Variants in DOK7 observed in about 807,000 individuals in gnomAD.
DOK7 encodes the protein docking protein 7.
In DOK7, 32 loss-of-function variants were observed where a neutral mutation model predicts 30.7. The ratio of observed to expected loss-of-function variants is 1.04; its 90% CI spans 0.79 to 1.40. The LOEUF is 1.40. Ranked by LOEUF, DOK7 falls within the 40% of genes most tolerant of loss-of-function variation. DOK7 has a pLI of 0.00. For synonymous variants in DOK7, 447 were observed against 324.1 expected, an observed-to-expected ratio of 1.38 and a Z score of -4.07; for missense variants, 1,007 against 699.2, an observed-to-expected ratio of 1.44 and a Z score of -4.97.
intron 5 of DOK7, among the ~76,000 whole-genome samples, chr4:3,487,514 C>G (rs115623682): frequency 6.6e-6 from 1 of 152,196 alleles, no homozygotes; most frequent in East Asian, 1.9e-4. Context: ...ATGTGGACAC[C>G]GAGTCCCAGA....
chr4:3,475,206 G>A (rs1035448626), intron 3 of DOK7, among the ~76,000 whole-genome samples: 3 of 152,228 alleles, frequency 2.0e-5, no homozygotes, highest in East Asian at 1.9e-4. Flanking sequence ...AAGTTCTCCC[G>A]TTGGGGGTTC....
chr4:3,468,182 G>A (rs76221206), intron 2 of DOK7, among the ~76,000 whole-genome samples: 14,975 of 144,216 alleles, frequency 0.1, 943 homozygotes, highest in East Asian at 0.22. Flanking sequence ...ATACCTGTGT[G>A]TGGGGGTGTG....
At chr4:3,490,852 C>T (rs1434583584) in intron 6 of DOK7, among the ~76,000 whole-genome samples, 2 of 104,774 alleles carry the variant, frequency 1.9e-5, no homozygotes, top group African/African-American at 7.9e-5. Context: ...CTTCCTTCCC[C>T]CCCACTCATT....
chr4:3,491,196 TTCCTTCCCCCCTGC>T (rs1225683466), intron 6 of DOK7, among the ~76,000 whole-genome samples: 41 of 24,380 alleles, frequency 1.7e-3, no homozygotes, highest in African/African-American at 4.0e-3. Context: ...CCCCTGCTCA[TTCCTTCCCCCCTGC>T]TCATTCCTTC....
intron 5 of DOK7, among the ~76,000 whole-genome samples, 177 bp downstream of exon 5, chr4:3,485,835 G>GA (rs1236572793): frequency 6.6e-6 from 1 of 152,262 alleles, no homozygotes; most frequent in Non-Finnish European, 1.5e-5. Flanking sequence ...TGCAAGCCCT[G>GA]CTGAGGGATT....
chr4:3,496,159 G>T (rs533384549), downstream of DOK7, among the ~76,000 whole-genome samples: 10 of 152,358 alleles, frequency 6.6e-5, no homozygotes, highest in East Asian at 1.9e-3. Flanking sequence ...GCCGTGGGCC[G>T]CTGTCCCTCC....
chr4:3,488,271 C>T (rs1727945763), intron 5 of DOK7, among the ~76,000 whole-genome samples: 1 of 152,238 alleles, frequency 6.6e-6, no homozygotes, highest in South Asian at 2.1e-4. Context: ...TCTTGTGTTC[C>T]TGGGCCCGGT....
At chr4:3,490,405 TCACCCC>T (rs1280906401) in intron 6 of DOK7, among the ~76,000 whole-genome samples, 1 of 56,866 alleles carries the variant, frequency 1.8e-5, no homozygotes, top group Non-Finnish European at 3.4e-5. Context: ...AGTCCTTCTT[TCACCCC>T]CCCCACCGCC....
chr4:3,476,584 C>T, intron 4 of DOK7, 42 bp downstream of exon 4: 1 of 1,607,716 alleles, frequency 6.2e-7, no homozygotes, highest in Non-Finnish European at 8.5e-7. Flanking sequence ...CAGCAGCACC[C>T]CCCACTTCCC....
Position 3,493,467 on chromosome 4 carries a change from T to C in DOK7, c.1481T>C (p.Val494Ala), listed in dbSNP as rs1259955934. 4 of 1,610,844 alleles carry C rather than the reference T, an allele frequency of 2.5e-6. No homozygotes were observed. The highest frequency in any genetic ancestry group is 1.3e-5 in the African/African-American group (1 of 74,898). The change falls in exon 7 of 7, where the codon GTC (valine) becomes GCC (alanine). Residue 494 changes from valine (V) to alanine (A), a missense_variant. Val to Ala is a moderately conservative substitution (Grantham distance 64, BLOSUM62 0). Coordinates refer to ENST00000340083, the MANE Select transcript of DOK7 (RefSeq NM_173660.5). The part of the protein sequence containing the change: ...PPPAFFSACP[V>A]CGGLKVNPPP Reference sequence around the variant, plus strand: ...CCGGCTTTCTTTTCGGCATGTCCAGTCTGTGGAGGACTCAAGGTAAACCCC... The same window carrying C: ...CCGGCTTTCTTTTCGGCATGTCCAGCCTGTGGAGGACTCAAGGTAAACCCC...
At chr4:3,484,511 G>C in intron 4 of DOK7, 1 of 985,512 alleles carries the variant, frequency 1.0e-6, no homozygotes, top group Non-Finnish European at 1.2e-6. Context: ...GCCAGCCGGA[G>C]TGTCCAGCCG....
chr4:3,499,901 A>T (rs563189119), intron 6 of DOK7, among the ~76,000 whole-genome samples: 2 of 147,828 alleles, frequency 1.4e-5, no homozygotes, highest in African/African-American at 2.5e-5. Context: ...TGGTGGAGAG[A>T]GTTGGGAAGG....
chr4:3,500,291 G>A lies in DOK7; in HGVS notation c.1149G>A (p.Glu383=), dbSNP rs996495720. ...TGGCTGTGGACAGCCCAGGACCAGA[G>A]AGGCCGCGCGGCGAGTCGCCCACTT... Residue 383 remains glutamate, a synonymous_variant, in exon 7 of 8, where the codon GAG becomes GAA. Transcript: ENST00000643608. 5 of 1,535,840 alleles carry A rather than the reference G, an allele frequency of 3.3e-6. No individual in the cohort carries two copies. The East Asian group carries it at 1.2e-4, about 38-fold the overall frequency.
downstream of DOK7, chr4:3,496,923 C>G (rs547885560): frequency 1.7e-6 from 2 of 1,210,704 alleles, no homozygotes; most frequent in African/African-American, 3.8e-5. Context: ...TCTGGGTGGG[C>G]GCAGATGGCA....
chr4:3,492,466 A>C, intron 6 of DOK7, among the ~76,000 whole-genome samples: 2 of 91,860 alleles, frequency 2.2e-5, no homozygotes, highest in South Asian at 3.8e-4. Context: ...GCTCTAGGGA[A>C]GGGGAGGAGG....
chr4:3,473,142 C>T (rs1033893379), intron 2 of DOK7, among the ~76,000 whole-genome samples: 1 of 152,260 alleles, frequency 6.6e-6, no homozygotes, highest in Non-Finnish European at 1.5e-5. Context: ...AGGTCCAGAA[C>T]CCAGTCATGG....
At chr4:3,472,868 C>A (rs1163346347) in intron 2 of DOK7, among the ~76,000 whole-genome samples, 1 of 152,200 alleles carries the variant, frequency 6.6e-6, no homozygotes, top group Admixed American at 6.5e-5. Flanking sequence ...CATCGACCTC[C>A]CCTACCCCCT....
chr4:3,468,551 C>T (rs1474726938), intron 2 of DOK7, among the ~76,000 whole-genome samples: 1 of 110,914 alleles, frequency 9.0e-6, no homozygotes, highest in African/African-American at 4.0e-5. Flanking sequence ...TGTGTGTGTG[C>T]CTGTGTGAGC....
Position 3,476,256 on chromosome 4 carries a change from G to A in DOK7, c.332-86G>A, listed in dbSNP as rs866190803. The A allele has an allele frequency of 1.6e-3, 306 of 186,158 alleles. 15 individuals are homozygous for A. Among genetic ancestry groups the A allele is most frequent in the Middle Eastern group, 6.8e-3 (5 of 738 alleles). 11.5% of individuals were successfully genotyped at this position (186,158 alleles called of 1,614,324 possible). On this transcript the variant is annotated intron_variant, in intron 3 of 6. Transcript: ENST00000340083. ...CCCGTGATGCCCTCTCACCCCACCC[G>A]CCCGTGATGCCCTCTCACCCCACCC...
Sources: gnomAD v4.1 joint callset for allele counts (sites outside exome capture counted in the v4.1 genomes callset) on GRCh38, gnomAD v4.1.1 for gene constraint, MANE v1.5 for transcripts, NCBI Gene and HGNC (gene_info 2026-07-23, HGNC 2026-07-21) for gene names.